Variants in P3H2 observed in about 807,000 individuals in gnomAD.
The protein encoded by P3H2 is prolyl 3-hydroxylase 2.
Under a neutral mutation model 87.0 loss-of-function variants are expected in P3H2, and 80 were observed. The observed-to-expected ratio is 0.92, with a 90% CI of 0.77 to 1.11. The LOEUF is 1.11. Ranked by LOEUF, P3H2 falls within the 50% of genes least tolerant of loss-of-function variation. The probability of loss-of-function intolerance (pLI) is 0.00; values close to 1 mark genes in which losing one functional copy is unlikely to be tolerated. For synonymous variants in P3H2, 367 were observed against 359.3 expected (o/e 1.02, Z -0.24); for missense variants, 1,001 against 923.9 (o/e 1.08, Z -1.08).
chr3:190,044,148 A>G (rs2108956594), intron 1 of P3H2, among the ~76,000 whole-genome samples: 1 of 152,324 alleles, frequency 6.6e-6, no homozygotes, highest in Non-Finnish European at 1.5e-5. Flanking sequence ...ACAAAACAAA[A>G]GCACAAGTAA....
intron 2 of P3H2, 72 bp from the exon 3 acceptor site, chr3:189,994,355 G>A: frequency 7.6e-7 from 1 of 1,319,228 alleles, no homozygotes. Flanking sequence ...TATTTTCAAA[G>A]AGAAGGGTTT....
chr3:190,086,345 A>G (rs1321446127), intron 1 of P3H2, among the ~76,000 whole-genome samples: 1 of 152,196 alleles, frequency 6.6e-6, no homozygotes, highest in Non-Finnish European at 1.5e-5. Flanking sequence ...AGAAACAGAT[A>G]CTTACAAAAG....
intron 1 of P3H2, among the ~76,000 whole-genome samples, chr3:190,035,018 T>C (rs1290681496): frequency 6.6e-6 from 1 of 151,836 alleles, no homozygotes; most frequent in Non-Finnish European, 1.5e-5. Context: ...CCGACTAATT[T>C]TTGTATTATT....
At chr3:190,019,168 A>G (rs2108939578) in intron 1 of P3H2, among the ~76,000 whole-genome samples, 1 of 152,310 alleles carries the variant, frequency 6.6e-6, no homozygotes, top group African/African-American at 2.4e-5. Context: ...TAGTTAGACA[A>G]ACAGAAGCGA....
At chr3:190,008,464 T>C (rs887900615) in intron 1 of P3H2, among the ~76,000 whole-genome samples, 11 of 152,166 alleles carry the variant, frequency 7.2e-5, no homozygotes, top group African/African-American at 2.2e-4. Context: ...GAGACTGGCT[T>C]GAATTGAACC....
At chr3:190,013,224 T>C (rs1724649444) in intron 1 of P3H2, among the ~76,000 whole-genome samples, 1 of 152,196 alleles carries the variant, frequency 6.6e-6, no homozygotes, top group Admixed American at 6.5e-5. Context: ...AATGATCAGG[T>C]GATGAGTCAA....
intron 1 of P3H2, among the ~76,000 whole-genome samples, chr3:190,082,054 G>A (rs929197492): frequency 3.9e-5 from 6 of 152,068 alleles, no homozygotes; most frequent in Admixed American, 1.3e-4. Context: ...AGGAGTTTTC[G>A]TGACCAGTCT....
intron 1 of P3H2, among the ~76,000 whole-genome samples, chr3:190,036,260 T>A (rs1264967660): frequency 6.6e-6 from 1 of 152,230 alleles, no homozygotes; most frequent in African/African-American, 2.4e-5. Flanking sequence ...TTGAGAATTT[T>A]GCTCTTACCT....
At chr3:189,961,435 C>G (rs1722807555) in intron 14 of P3H2, among the ~76,000 whole-genome samples, 1 of 152,036 alleles carries the variant, frequency 6.6e-6, no homozygotes, top group South Asian at 2.1e-4. Context: ...GAACTGAGAC[C>G]CTTTAAAGTA....
intron 1 of P3H2, among the ~76,000 whole-genome samples, chr3:190,003,851 G>C (rs1214152041): frequency 6.6e-6 from 1 of 152,164 alleles, no homozygotes; most frequent in Non-Finnish European, 1.5e-5. Context: ...AATGGTTACC[G>C]AAAAGCAGTG....
At chr3:190,092,700 T>C (rs1727446460) in intron 1 of P3H2, among the ~76,000 whole-genome samples, 1 of 152,332 alleles carries the variant, frequency 6.6e-6, no homozygotes, top group African/African-American at 2.4e-5. Flanking sequence ...TGAAAGCTCA[T>C]TCATTTCAAG....
At chr3:189,985,401 G>A (rs1483345848) in intron 6 of P3H2, among the ~76,000 whole-genome samples, 1 of 151,404 alleles carries the variant, frequency 6.6e-6, no homozygotes, top group African/African-American at 2.4e-5. Context: ...ATTTTCAAAT[G>A]TTATTTCTTA....
chr3:190,068,103 T>C (rs756546162), intron 1 of P3H2, among the ~76,000 whole-genome samples: 4 of 152,074 alleles, frequency 2.6e-5, no homozygotes, highest in Non-Finnish European at 5.9e-5. Context: ...TTAAGATGAA[T>C]GGGATAGTAT....
At chr3:190,023,381 T>C (rs1724989858) in intron 1 of P3H2, among the ~76,000 whole-genome samples, 1 of 151,984 alleles carries the variant, frequency 6.6e-6, no homozygotes. Flanking sequence ...AGGAAAGAGG[T>C]TGAATTGACT....
At chr3:189,971,272 G>C (rs989459308) in intron 12 of P3H2, among the ~76,000 whole-genome samples, 2 of 152,162 alleles carry the variant, frequency 1.3e-5, no homozygotes, top group Admixed American at 1.3e-4. Context: ...CTTTGTTCTT[G>C]TTGTTGTTTT....
chr3:190,018,130 T>C (rs1202097552), intron 1 of P3H2, among the ~76,000 whole-genome samples: 5 of 152,202 alleles, frequency 3.3e-5, no homozygotes, highest in Non-Finnish European at 1.5e-5. Flanking sequence ...GGAAGTATTG[T>C]TCTACTTGGC....
chr3:190,120,772 G>C lies in P3H2; in HGVS notation c.-41C>G. ...GGCGCGGGACGGTTACGCTCGAGAG[G>C]GCTTCGGGGCACCTCGCGTCCGGGT... On this transcript the variant is annotated 5_prime_UTR_variant, in exon 1 of 15. Transcript: ENST00000319332. 11 of 1,506,332 alleles carry C rather than the reference G, an allele frequency of 7.3e-6. No individual in the cohort carries two copies. Among genetic ancestry groups the C allele is most frequent in the Non-Finnish European group, 9.7e-6 (11 of 1,133,588 alleles). 93.3% of individuals were successfully genotyped at this position (1,506,332 alleles called of 1,614,324 possible).
intron 1 of P3H2, among the ~76,000 whole-genome samples, chr3:190,105,611 T>G (rs1318135319): frequency 2.6e-5 from 4 of 152,234 alleles, no homozygotes; most frequent in Non-Finnish European, 2.9e-5. Context: ...CAGCATTAGA[T>G]ACACTGGAAG....
rs549509441 is a variant in P3H2 at position 190,089,831 on chromosome 3, A to C, written c.480+30421T>G. On this transcript the variant is annotated intron_variant, in intron 1 of 14. Transcript: ENST00000319332. The stretch of plus-strand genomic sequence containing the variant: ...CTGTTTAAAAAGACTTGCATACCAC[A>C]AGGCTACCACCGTGGTGCAATTGGG... Among the ~76,000 whole-genome samples the C allele has an allele frequency of 2.6e-5, 4 of 152,312 alleles. No individual in the cohort carries two copies. The East Asian group carries it at 7.7e-4, about 29-fold the overall frequency.
Sources: allele counts gnomAD v4.1 joint callset (sites outside exome capture counted in the v4.1 genomes callset), GRCh38; gene constraint gnomAD v4.1.1; transcripts MANE v1.5; gene names NCBI Gene and HGNC (gene_info 2026-07-23, HGNC 2026-07-21).